ADGRV1: variants seen among roughly 807,000 people sequenced by gnomAD.
ADGRV1 encodes the protein G-protein coupled receptor 98.
Under a neutral mutation model 596.2 loss-of-function variants are expected in ADGRV1, and 359 were observed. The ratio of observed to expected loss-of-function variants is 0.60; its 90% CI spans 0.55 to 0.66. The LOEUF is 0.66. Ranked by LOEUF, ADGRV1 falls within the 30% of genes least tolerant of loss-of-function variation. ADGRV1 has a pLI of 0.00. For missense variants in ADGRV1, 7,274 were observed against 7,575.6 expected (o/e 0.96, Z 1.48); for synonymous variants, 2,681 against 2,679.2 (o/e 1.00, Z -0.02).
intron 83 of ADGRV1, among the ~76,000 whole-genome samples, chr5:90,890,397 C>T (rs1770694418): frequency 6.6e-6 from 1 of 152,098 alleles, no homozygotes; most frequent in Non-Finnish European, 1.5e-5. Flanking sequence ...AGCAATACAG[C>T]ACAGCGGTTA....
At chr5:90,652,060 T>C (rs1035210569) in intron 18 of ADGRV1, among the ~76,000 whole-genome samples, 1 of 152,142 alleles carries the variant, frequency 6.6e-6, no homozygotes, top group African/African-American at 2.4e-5. Context: ...TGTACTTTGC[T>C]TTTGGAAAAC....
chr5:90,670,469 A>T (rs929005758), intron 21 of ADGRV1, among the ~76,000 whole-genome samples: 1 of 152,198 alleles, frequency 6.6e-6, no homozygotes, highest in African/African-American at 2.4e-5. Context: ...AAGACTAGAG[A>T]CAAAGATGTT....
chr5:90,641,047 A>G (rs1410848872), intron 11 of ADGRV1, among the ~76,000 whole-genome samples: 1 of 152,174 alleles, frequency 6.6e-6, no homozygotes, highest in African/African-American at 2.4e-5. Context: ...GAGCTTACAC[A>G]AAGTTGTTTA....
At chr5:90,640,173 C>T (rs1271760960) in intron 11 of ADGRV1, among the ~76,000 whole-genome samples, 1 of 152,094 alleles carries the variant, frequency 6.6e-6, no homozygotes, top group South Asian at 2.1e-4. Flanking sequence ...AAATGAAGCT[C>T]TAGGGCTCTA....
intron 79 of ADGRV1, among the ~76,000 whole-genome samples, chr5:90,851,246 T>C (rs1253976261): frequency 2.0e-5 from 3 of 150,516 alleles, no homozygotes; most frequent in African/African-American, 7.3e-5. Flanking sequence ...AATAAAGAAA[T>C]AGGAAAACCA....
At chr5:90,965,556 G>T in intron 84 of ADGRV1, 25 bp downstream of exon 84, 1 of 1,339,150 alleles carries the variant, frequency 7.5e-7, no homozygotes, top group Non-Finnish European at 1.1e-6. Flanking sequence ...CCCTCTCCCC[G>T]CCCCTTTAAT....
chr5:90,671,093 T>G (rs1772399938), intron 21 of ADGRV1, among the ~76,000 whole-genome samples: 2 of 152,224 alleles, frequency 1.3e-5, no homozygotes, highest in South Asian at 4.1e-4. Context: ...CCAGGCACAG[T>G]GCTGGCTTAA....
intron 85 of ADGRV1, among the ~76,000 whole-genome samples, chr5:90,996,004 G>T (rs1013355878): frequency 6.6e-6 from 1 of 152,156 alleles, no homozygotes; most frequent in Non-Finnish European, 1.5e-5. Context: ...ATAAAGAAAT[G>T]ACCTGAAATA....
chr5:91,078,297 G>T (rs117250787), intron 86 of ADGRV1, among the ~76,000 whole-genome samples: 3 of 152,116 alleles, frequency 2.0e-5, no homozygotes, highest in African/African-American at 7.2e-5. Context: ...TACTCTTGTC[G>T]TTTTTAAAAT....
At chr5:90,785,515 GGGCT>G (rs1759340165) in intron 67 of ADGRV1, among the ~76,000 whole-genome samples, 6 of 152,154 alleles carry the variant, frequency 3.9e-5, no homozygotes, top group Admixed American at 3.9e-4. Flanking sequence ...ATCTGACAAA[GGGCT>G]AATATCCAGA....
chr5:90,850,903 A>C (rs1212743505), intron 79 of ADGRV1: 3 of 152,168 alleles, frequency 2.0e-5, no homozygotes, highest in Non-Finnish European at 4.4e-5. Context: ...CAATGGTTAC[A>C]ATAAAATGAG....
chr5:90,739,204 C>T (rs1753644368), intron 50 of ADGRV1, among the ~76,000 whole-genome samples: 1 of 151,674 alleles, frequency 6.6e-6, no homozygotes, highest in South Asian at 2.1e-4. Flanking sequence ...AATTGTTTTC[C>T]AAATTGCATT....
At chr5:90,937,516 G>A (rs1399442786) in intron 83 of ADGRV1, among the ~76,000 whole-genome samples, 1 of 147,460 alleles carries the variant, frequency 6.8e-6, no homozygotes, top group Non-Finnish European at 1.5e-5. Flanking sequence ...GGAGTGCAGT[G>A]GCGTGATCGC....
At chr5:90,760,219 TGAGCC>T (rs1756362831) in intron 58 of ADGRV1, among the ~76,000 whole-genome samples, 1 of 142,616 alleles carries the variant, frequency 7.0e-6, no homozygotes, top group Admixed American at 7.6e-5. Flanking sequence ...GAGGTTGCAG[TGAGCC>T]GAGATCACGC....
intron 21 of ADGRV1, among the ~76,000 whole-genome samples, chr5:90,668,308 C>T (rs963113877): frequency 5.9e-5 from 9 of 152,184 alleles, no homozygotes; most frequent in South Asian, 2.1e-4. Flanking sequence ...GGTATAATCT[C>T]GTGGTGCGCC....
At chr5:90,574,079 G>A (rs1013869259) in intron 1 of ADGRV1, among the ~76,000 whole-genome samples, 5 of 152,166 alleles carry the variant, frequency 3.3e-5, no homozygotes, top group Non-Finnish European at 7.4e-5. Context: ...TTTGACATCT[G>A]GTAGTGTGAT....
intron 85 of ADGRV1, among the ~76,000 whole-genome samples, chr5:91,021,692 T>TA (rs1432654908): frequency 6.6e-6 from 1 of 152,098 alleles, no homozygotes; most frequent in Non-Finnish European, 1.5e-5. Context: ...AGCAGGTAGA[T>TA]ACAGTGTGAT....
intron 87 of ADGRV1, among the ~76,000 whole-genome samples, chr5:91,132,149 A>G (rs541859253): frequency 6.6e-6 from 1 of 152,246 alleles, no homozygotes; most frequent in East Asian, 1.9e-4. Flanking sequence ...TTCCATTGGC[A>G]TGACAGATTC....
At position 90,757,127 on chromosome 5, in the gene ADGRV1, C is replaced by G. The variant is rs1235047565; in HGVS notation, c.11906C>G (p.Pro3969Arg). 1 of 1,613,870 alleles carries G rather than the reference C, an allele frequency of 6.2e-7. No homozygotes were observed. Among genetic ancestry groups the G allele is most frequent in the South Asian group, 1.1e-5 (1 of 91,074 alleles). Reference sequence around the variant, plus strand: ...AGTGCTGGCCTGGAAGACTTTAAACCATCTCATGGGATTCTTGAATTTGCA... The same window carrying G: ...AGTGCTGGCCTGGAAGACTTTAAACGATCTCATGGGATTCTTGAATTTGCA... Reference protein sequence around the residue: ...PDSAGLEDFKPSHGILEFADK... With the variant: ...PDSAGLEDFKRSHGILEFADK... Residue 3969 changes from proline to arginine, a missense_variant, in exon 57 of 90, where the codon CCA becomes CGA. Physicochemically the swap from Pro to Arg is moderately radical, Grantham distance 103. Transcript: ENST00000405460.
Sources: gnomAD v4.1 joint callset for allele counts (sites outside exome capture counted in the v4.1 genomes callset) on GRCh38, gnomAD v4.1.1 for gene constraint, MANE v1.5 for transcripts, NCBI Gene and HGNC (gene_info 2026-07-23, HGNC 2026-07-21) for gene names.